Variants in FNDC3B observed in about 807,000 individuals in gnomAD.
The protein encoded by FNDC3B is fibronectin type III domain-containing protein 3B.
In FNDC3B, 12 loss-of-function variants were observed where a neutral mutation model predicts 151.5. The observed-to-expected ratio is 0.08, with a 90% CI of 0.05 to 0.13. The LOEUF (loss-of-function observed/expected upper bound fraction) is 0.13, where lower values mean the gene tolerates loss of function less well. FNDC3B is among the 10% of genes least tolerant of loss of function. FNDC3B has a pLI of 1.00. For synonymous variants in FNDC3B, 528 were observed against 549.0 expected, an observed-to-expected ratio of 0.96 and a Z score of 0.54; for missense variants, 1,214 against 1,505.3, an observed-to-expected ratio of 0.81 and a Z score of 3.20.
chr3:172,145,970 C>A lies in FNDC3B; in HGVS notation c.187+12424C>A, dbSNP rs115497654. ...CTGGGATTACAGGCATGCGCCACCA[C>A]GCCCCGTTAGTTTTGTACTTTTAGC... is the stretch of plus-strand genomic sequence containing the variant. On this transcript the variant is annotated intron_variant, in intron 3 of 25. Coordinates refer to ENST00000415807, the MANE Select transcript of FNDC3B (RefSeq NM_022763.4). Among the ~76,000 whole-genome samples the A allele has an allele frequency of 9.6e-3, 1,466 of 152,120 alleles. 20 individuals carry two copies. The highest frequency in any genetic ancestry group is 0.029 in the African/African-American group (1,194 of 41,486).
intron 3 of FNDC3B, among the ~76,000 whole-genome samples, chr3:172,218,494 C>A (rs898790353): frequency 2.0e-5 from 3 of 152,168 alleles, no homozygotes; most frequent in Non-Finnish European, 4.4e-5. Flanking sequence ...AACTGTGTAA[C>A]TCATTTGGCC....
intron 3 of FNDC3B, among the ~76,000 whole-genome samples, chr3:172,178,318 C>T (rs1320040829): frequency 2.6e-5 from 4 of 152,106 alleles, no homozygotes; most frequent in African/African-American, 9.7e-5. Flanking sequence ...CAAACCCCAG[C>T]AAACCCATTA....
intron 25 of FNDC3B, among the ~76,000 whole-genome samples, chr3:172,392,095 A>G (rs1457823679): frequency 6.6e-6 from 1 of 152,200 alleles, no homozygotes; most frequent in African/African-American, 2.4e-5. Context: ...CTGGCTGTGT[A>G]TGGATTGCGG....
chr3:172,111,804 C>T (rs867618283), intron 1 of FNDC3B, among the ~76,000 whole-genome samples: 21 of 152,200 alleles, frequency 1.4e-4, no homozygotes, highest in Middle Eastern at 3.4e-3. Flanking sequence ...ACCAAATGTC[C>T]TTGAATTTGA....
At chr3:172,318,981 C>G (rs573389121) in intron 11 of FNDC3B, among the ~76,000 whole-genome samples, 1 of 151,848 alleles carries the variant, frequency 6.6e-6, no homozygotes, top group South Asian at 2.1e-4. Context: ...AAAAGGAGCC[C>G]CCTCTTTTAG....
intron 1 of FNDC3B, among the ~76,000 whole-genome samples, chr3:172,085,856 G>A (rs1718524961): frequency 6.6e-6 from 1 of 152,192 alleles, no homozygotes; most frequent in Non-Finnish European, 1.5e-5. Flanking sequence ...GGATTCGGAT[G>A]TTAAAAGTGC....
At chr3:172,052,136 G>T (rs1446867235) in intron 1 of FNDC3B, among the ~76,000 whole-genome samples, 1 of 151,472 alleles carries the variant, frequency 6.6e-6, no homozygotes, top group African/African-American at 2.4e-5. Flanking sequence ...CCAGGCTGGG[G>T]TGCAGTGGCA....
chr3:172,139,024 A>G (rs1220391703), intron 3 of FNDC3B, among the ~76,000 whole-genome samples: 2 of 152,176 alleles, frequency 1.3e-5, no homozygotes. Context: ...GGCTCTGTGA[A>G]TGACACCATT....
intron 4 of FNDC3B, among the ~76,000 whole-genome samples, chr3:172,239,886 T>TGG (rs1560034173): frequency 9.2e-6 from 1 of 108,342 alleles, no homozygotes; most frequent in African/African-American, 3.9e-5. Flanking sequence ...TTTTTTTTTT[T>TGG]GGGATGGAGT....
At chr3:172,209,590 C>T (rs571014887) in intron 3 of FNDC3B, among the ~76,000 whole-genome samples, 9 of 152,092 alleles carry the variant, frequency 5.9e-5, no homozygotes, top group Admixed American at 1.3e-4. Flanking sequence ...CGGCCACAGG[C>T]GGGCCTGGAA....
intron 25 of FNDC3B, among the ~76,000 whole-genome samples, chr3:172,383,084 A>G (rs543516725): frequency 1.3e-5 from 2 of 152,186 alleles, no homozygotes; most frequent in African/African-American, 4.8e-5. Flanking sequence ...CACGATATTG[A>G]TTCTTCCTAT....
intron 11 of FNDC3B, among the ~76,000 whole-genome samples, chr3:172,315,520 G>A (rs76774685): frequency 1.8e-3 from 271 of 152,328 alleles, no homozygotes; most frequent in African/African-American, 5.2e-3. Context: ...TGACTCGTGA[G>A]CTTTAGTGTT....
chr3:172,379,545 T>G (rs1005872306), intron 24 of FNDC3B, among the ~76,000 whole-genome samples: 1 of 152,270 alleles, frequency 6.6e-6, no homozygotes, highest in African/African-American at 2.4e-5. Context: ...TTCCCTGCCC[T>G]GCAGACTCTT....
intron 3 of FNDC3B, among the ~76,000 whole-genome samples, chr3:172,175,759 C>T (rs1723550633): frequency 6.6e-6 from 1 of 152,068 alleles, no homozygotes; most frequent in South Asian, 2.1e-4. Context: ...TAAGTGAGAA[C>T]CTTGTACCGC....
At chr3:172,389,207 A>G (rs1179612600) in intron 25 of FNDC3B, among the ~76,000 whole-genome samples, 1 of 152,244 alleles carries the variant, frequency 6.6e-6, no homozygotes, top group Non-Finnish European at 1.5e-5. Context: ...TGTATAAAAT[A>G]TGATTGGCTT....
At chr3:172,173,190 A>G (rs1723367882) in intron 3 of FNDC3B, among the ~76,000 whole-genome samples, 1 of 152,210 alleles carries the variant, frequency 6.6e-6, no homozygotes, top group African/African-American at 2.4e-5. Flanking sequence ...CTCAGGGGTT[A>G]AAAGACAGGG....
intron 2 of FNDC3B, among the ~76,000 whole-genome samples, chr3:172,131,988 C>T (rs927064196): frequency 1.6e-4 from 24 of 151,824 alleles, no homozygotes; most frequent in Non-Finnish European, 1.9e-4. Context: ...CCTTATCATG[C>T]CTAGATTAAA....
intron 7 of FNDC3B, among the ~76,000 whole-genome samples, chr3:172,290,345 G>A (rs1730261912): frequency 6.6e-6 from 1 of 152,166 alleles, no homozygotes; most frequent in Non-Finnish European, 1.5e-5. Context: ...TGGTATACAA[G>A]TATACTAGGT....
rs1211889012 is a variant in FNDC3B at position 172,399,529 on chromosome 3, G to A, written c.*2054G>A. On this transcript the variant is annotated 3_prime_UTR_variant, in exon 26 of 26. Coordinates refer to ENST00000415807, the MANE Select transcript of FNDC3B (RefSeq NM_022763.4). ...GACGTAGTGAGTACTAGAGAGTTCT[G>A]TATTTTATTATTGACTATAATAATT... 1 of 152,572 alleles carries A rather than the reference G, an allele frequency of 6.6e-6. No homozygotes were observed. Among genetic ancestry groups the A allele is most frequent in the Non-Finnish European group, 1.5e-5 (1 of 68,014 alleles). The allele number at this position is 152,572 out of a possible 1,614,324, so 9.5% of individuals were successfully genotyped here. A position where few individuals can be genotyped will look rare whatever the true frequency, so the allele number is the denominator to read the frequency against.
Sources: gnomAD v4.1 joint callset for allele counts (sites outside exome capture counted in the v4.1 genomes callset) on GRCh38, gnomAD v4.1.1 for gene constraint, MANE v1.5 for transcripts, NCBI Gene and HGNC (gene_info 2026-07-23, HGNC 2026-07-21) for gene names.